LINGO2: variants seen among roughly 807,000 people sequenced by gnomAD.
The protein encoded by LINGO2 is leucine rich repeat and Ig domain containing 2.
In LINGO2, 14 loss-of-function variants were observed where a neutral mutation model predicts 30.6. That is an observed-to-expected ratio of 0.46 (90% confidence interval 0.30 to 0.72). LINGO2 has a LOEUF of 0.72. Ranked by LOEUF, LINGO2 falls within the 30% of genes least tolerant of loss-of-function variation. The pLI is 0.07. For synonymous variants in LINGO2, 317 were observed against 288.5 expected (o/e 1.10, Z -1.00); for missense variants, 729 against 751.7 (o/e 0.97, Z 0.35).
chr9:28,433,949 C>CTATATATATATATAAATA lies in LINGO2; in HGVS notation c.-279+41990_-279+41991insTATTTATATATATATATA, dbSNP rs1823803400. On this transcript the variant is annotated intron_variant, in intron 2 of 5. Coordinates refer to ENST00000379992, the Ensembl canonical transcript of LINGO2. ...TCTCTCTCTCTCTCTCTCTCTCTCTCTATATATATATATATATACACACAC... is the reference window on the plus strand; with the variant it reads ...TCTCTCTCTCTCTCTCTCTCTCTCTCTATATATATATATAAATATATATATATATATATATACACACAC... 3.4e-5 allele frequency among the ~76,000 whole-genome samples: 3 copies of CTATATATATATATAAATA among 88,480 alleles called. 1 individual carries two copies. The highest frequency in any genetic ancestry group is 1.3e-4 in the African/African-American group (3 of 22,262). The allele number at this position is 88,480 out of a possible 152,430, so 58.0% of individuals were successfully genotyped here. A position where few individuals can be genotyped will look rare whatever the true frequency, so the allele number is the denominator to read the frequency against.
chr9:29,073,264 C>A, the LINGO2 span, among the ~76,000 whole-genome samples: 2 of 151,862 alleles, frequency 1.3e-5, no homozygotes, highest in East Asian at 3.9e-4. Flanking sequence ...GATATTAGAA[C>A]AAAATAAAAA....
the LINGO2 span, among the ~76,000 whole-genome samples, chr9:29,049,038 A>C: frequency 1.3e-5 from 2 of 152,222 alleles, no homozygotes; most frequent in Non-Finnish European, 2.9e-5. Flanking sequence ...AAGCCACTGC[A>C]TGAGAGAAAA....
the LINGO2 span, among the ~76,000 whole-genome samples, chr9:28,849,037 T>C: frequency 6.6e-6 from 1 of 151,962 alleles, no homozygotes; most frequent in Non-Finnish European, 1.5e-5. Context: ...ACTCCTCCCC[T>C]CTACTCAGAG....
At chr9:28,931,494 C>T in the LINGO2 span, among the ~76,000 whole-genome samples, 1 of 152,122 alleles carries the variant, frequency 6.6e-6, no homozygotes, top group Admixed American at 6.5e-5. Flanking sequence ...GATCAGATAG[C>T]CTGACTTCTT....
At chr9:29,085,090 C>T in the LINGO2 span, among the ~76,000 whole-genome samples, 1 of 151,752 alleles carries the variant, frequency 6.6e-6, no homozygotes, top group East Asian at 1.9e-4. Flanking sequence ...ATTGTAACAA[C>T]ATTTCATTTA....
chr9:28,968,557 T>A, the LINGO2 span, among the ~76,000 whole-genome samples: 1 of 152,196 alleles, frequency 6.6e-6, no homozygotes, highest in African/African-American at 2.4e-5. Flanking sequence ...ACTTTTGTAC[T>A]TCAAAAGCCT....
the LINGO2 span, among the ~76,000 whole-genome samples, chr9:28,907,125 G>C: frequency 1.3e-5 from 2 of 151,814 alleles, no homozygotes; most frequent in South Asian, 4.1e-4. Context: ...TGGAGCTCTT[G>C]ATTTTCTATG....
At chr9:27,944,493 C>T (rs1459724071), downstream of LINGO2, 1 of 152,028 alleles carries the variant, frequency 6.6e-6, no homozygotes, top group Non-Finnish European at 1.5e-5. Flanking sequence ...CAGAAAACAC[C>T]CTCTGTTGCC....
chr9:28,297,570 A>T (rs1046222938), intron 3 of LINGO2, among the ~76,000 whole-genome samples: 1 of 152,220 alleles, frequency 6.6e-6, no homozygotes, highest in African/African-American at 2.4e-5. Context: ...CCTTATGAAC[A>T]ATCTGCTATG....
intron 4 of LINGO2, among the ~76,000 whole-genome samples, chr9:28,098,634 G>A (rs1332705706): frequency 6.6e-6 from 1 of 152,082 alleles, no homozygotes; most frequent in African/African-American, 2.4e-5. Flanking sequence ...TGTGGATACT[G>A]GTCACTGGCC....
At chr9:29,040,092 C>T in the LINGO2 span, among the ~76,000 whole-genome samples, 1 of 151,978 alleles carries the variant, frequency 6.6e-6, no homozygotes, top group Non-Finnish European at 1.5e-5. Flanking sequence ...TATTTGTTCC[C>T]TAATTCTGGT....
chr9:28,814,051 A>G, the LINGO2 span, among the ~76,000 whole-genome samples: 1 of 152,192 alleles, frequency 6.6e-6, no homozygotes, highest in African/African-American at 2.4e-5. Flanking sequence ...ATTTTTATAG[A>G]GATAATTCAG....
At chr9:28,420,225 A>C (rs771097177) in intron 2 of LINGO2, among the ~76,000 whole-genome samples, 3 of 152,148 alleles carry the variant, frequency 2.0e-5, no homozygotes, top group Admixed American at 6.5e-5. Context: ...CTCTAGAAGT[A>C]ATATTTCTTA....
At chr9:28,367,386 T>C (rs1168017079) in intron 3 of LINGO2, among the ~76,000 whole-genome samples, 1 of 152,188 alleles carries the variant, frequency 6.6e-6, no homozygotes, top group African/African-American at 2.4e-5. Context: ...TCTTTCTATA[T>C]TTTTGCTGCA....
rs150714407 is a variant in LINGO2, at chr9:28,046,068, C to A, written c.-86-33663G>T. On this transcript the variant is annotated intron_variant, in intron 4 of 5. Transcript: ENST00000379992. ...CTTGGTATGATGTGAGGCATCCATC[C>A]GTTTTTGGGATACCTGAAGTTCAGC... Among the ~76,000 whole-genome samples, 370 of 152,210 alleles carry A rather than the reference C, an allele frequency of 2.4e-3. 3 individuals carry two copies. Among genetic ancestry groups the A allele is most frequent in the African/African-American group, 8.6e-3 (357 of 41,522 alleles).
intron 4 of LINGO2, among the ~76,000 whole-genome samples, chr9:28,168,175 T>C (rs1276727939): frequency 6.6e-6 from 1 of 152,238 alleles, no homozygotes; most frequent in African/African-American, 2.4e-5. Flanking sequence ...ACATCATTTG[T>C]GCCCTGACTC....
chr9:29,102,479 C>A, the LINGO2 span, among the ~76,000 whole-genome samples: 1 of 152,098 alleles, frequency 6.6e-6, no homozygotes, highest in East Asian at 1.9e-4. Context: ...GAAGATAGTA[C>A]TAAATGTATT....
At chr9:28,280,517 G>C (rs1326471104) in intron 4 of LINGO2, among the ~76,000 whole-genome samples, 1 of 152,150 alleles carries the variant, frequency 6.6e-6, no homozygotes, top group Non-Finnish European at 1.5e-5. Context: ...ATCATATGAA[G>C]ATCATCTTTG....
At chr9:28,653,982 T>A (rs552981055) in intron 1 of LINGO2, among the ~76,000 whole-genome samples, 1 of 152,178 alleles carries the variant, frequency 6.6e-6, no homozygotes, top group Non-Finnish European at 1.5e-5. Flanking sequence ...TTGCTAAGTA[T>A]ATTTTTTACG....
Sources: allele counts gnomAD v4.1 joint callset (sites outside exome capture counted in the v4.1 genomes callset), GRCh38; gene constraint gnomAD v4.1.1; transcripts MANE v1.5; gene names NCBI Gene and HGNC (gene_info 2026-07-23, HGNC 2026-07-21).